Variants in NR3C2 observed in about 807,000 individuals in gnomAD.
NR3C2 encodes the protein mineralocorticoid receptor.
NR3C2 carries 15 observed loss-of-function variants against 86.4 expected under a neutral mutation model. The observed-to-expected ratio is 0.17, with a 90% CI of 0.12 to 0.27. The LOEUF (loss-of-function observed/expected upper bound fraction) is 0.27. Ranked by LOEUF, NR3C2 falls within the 10% of genes least tolerant of loss-of-function variation. The pLI is 1.00. For synonymous variants in NR3C2, 458 were observed against 450.5 expected (o/e 1.02, Z -0.21); for missense variants, 960 against 1,195.6 (o/e 0.80, Z 2.91).
At chr4:148,356,683 C>T (rs565435397) in intron 2 of NR3C2, among the ~76,000 whole-genome samples, 56 of 152,210 alleles carry the variant, frequency 3.7e-4, no homozygotes, top group Non-Finnish European at 7.4e-4. Context: ...ATCCCAAGGG[C>T]GGACTAATTT....
chr4:148,101,486 G>A (rs1161614368), intron 8 of NR3C2, among the ~76,000 whole-genome samples: 4 of 152,210 alleles, frequency 2.6e-5, no homozygotes, highest in African/African-American at 7.2e-5. Context: ...AAAGTGATGG[G>A]AGAGGAAGGG....
intron 4 of NR3C2, among the ~76,000 whole-genome samples, chr4:148,155,184 C>T (rs1002066137): frequency 6.6e-6 from 1 of 152,166 alleles, no homozygotes; most frequent in African/African-American, 2.4e-5. Context: ...CTAATATGTT[C>T]AGTATAACCA....
At chr4:148,322,374 G>A (rs1276944209) in intron 2 of NR3C2, among the ~76,000 whole-genome samples, 1 of 134,774 alleles carries the variant, frequency 7.4e-6, no homozygotes, top group African/African-American at 2.9e-5. Flanking sequence ...TGCTCTTCTC[G>A]AGGAGTATCT....
chr4:148,092,570 G>C (rs2149710637), intron 8 of NR3C2, among the ~76,000 whole-genome samples: 1 of 152,256 alleles, frequency 6.6e-6, no homozygotes, highest in South Asian at 2.1e-4. Flanking sequence ...CATTTCAACA[G>C]TATTTTTTAG....
chr4:148,130,741 G>C (rs1449378414), intron 6 of NR3C2, among the ~76,000 whole-genome samples: 1 of 150,946 alleles, frequency 6.6e-6, no homozygotes. Flanking sequence ...TGCTCAATCA[G>C]GGTTGAAGTC....
At chr4:148,194,888 G>C in intron 3 of NR3C2, 26 bp from the exon 4 acceptor site, 7 of 1,479,792 alleles carry the variant, frequency 4.7e-6, no homozygotes, top group Non-Finnish European at 5.6e-6. Flanking sequence ...AAAAATAACT[G>C]TTAAAATAGA....
rs1263537219 is a variant in NR3C2, at chr4:148,435,221, A to G, written c.1640T>C (p.Leu547Pro). 6.2e-7 allele frequency: 1 copy of G among 1,614,084 alleles called. No individual in the cohort carries two copies. The highest frequency in any genetic ancestry group is 8.5e-7 in the Non-Finnish European group (1 of 1,180,034). ...RSARDQSFQHLSSFPPVNTLV... is the reference protein window; with the variant it reads ...RSARDQSFQHPSSFPPVNTLV... ...AGTATTGACAGGAGGAAAGGAACTC[A>G]GGTGTTGGAAAGATTGGTCTCTAGC... Residue 547 changes from leucine to proline, a missense_variant, in exon 2 of 9, where the codon CTG becomes CCG. Leu to Pro is a moderately conservative substitution (Grantham distance 98, BLOSUM62 -3). Transcript: ENST00000358102.
intron 6 of NR3C2, among the ~76,000 whole-genome samples, chr4:148,126,495 T>C (rs965359585): frequency 2.3e-4 from 35 of 152,186 alleles, no homozygotes; most frequent in Admixed American, 2.6e-4. Flanking sequence ...CCAGAGATAA[T>C]GTAGGTTTTC....
intron 2 of NR3C2, among the ~76,000 whole-genome samples, chr4:148,286,369 T>C (rs1006160982): frequency 3.9e-5 from 6 of 152,068 alleles, no homozygotes; most frequent in Non-Finnish European, 5.9e-5. Flanking sequence ...CTGTACAGAA[T>C]TGAAAAAAAA....
intron 1 of NR3C2, among the ~76,000 whole-genome samples, chr4:148,441,672 G>C (rs1301870516): frequency 1.3e-5 from 2 of 152,186 alleles, no homozygotes; most frequent in Non-Finnish European, 2.9e-5. Flanking sequence ...CCTGTCTCAA[G>C]AGTTTCGCGA....
intron 2 of NR3C2, among the ~76,000 whole-genome samples, chr4:148,304,003 T>TTC (rs1394750710): frequency 6.6e-6 from 1 of 152,052 alleles, no homozygotes; most frequent in African/African-American, 2.4e-5. Context: ...ATGTCTCACT[T>TTC]TCTCTCTCTC....
intron 2 of NR3C2, among the ~76,000 whole-genome samples, chr4:148,321,873 T>C (rs1743616721): frequency 1.3e-5 from 2 of 152,230 alleles, no homozygotes; most frequent in Admixed American, 1.3e-4. Flanking sequence ...ATTTAGTCCA[T>C]TTACATTTAA....
At chr4:148,318,718 G>C (rs185730590) in intron 2 of NR3C2, among the ~76,000 whole-genome samples, 3,255 of 146,638 alleles carry the variant, frequency 0.022, 109 homozygotes, top group African/African-American at 0.075. Context: ...CTTTTTGATG[G>C]GGTTGTTTGT....
intron 2 of NR3C2, among the ~76,000 whole-genome samples, chr4:148,332,834 G>C (rs1482187766): frequency 3.9e-5 from 6 of 152,124 alleles, no homozygotes; most frequent in Admixed American, 3.9e-4. Context: ...CTTCCAAAGA[G>C]TTCTTTTGGA....
intron 2 of NR3C2, among the ~76,000 whole-genome samples, chr4:148,273,221 TTCAAGGACATTATA>T (rs555092222): frequency 1.4e-4 from 22 of 152,208 alleles, no homozygotes; most frequent in Admixed American, 2.6e-4. Context: ...TCGACTAGAT[TTCAAGGACATTATA>T]TCAAGGACAT....
intron 3 of NR3C2, among the ~76,000 whole-genome samples, chr4:148,242,779 A>G (rs928453519): frequency 2.0e-5 from 3 of 152,194 alleles, no homozygotes; most frequent in African/African-American, 7.2e-5. Flanking sequence ...AAAATCTATT[A>G]CAAAGAGAAA....
At chr4:148,189,756 T>G (rs1578992269) in intron 4 of NR3C2, among the ~76,000 whole-genome samples, 1 of 152,184 alleles carries the variant, frequency 6.6e-6, no homozygotes, top group South Asian at 2.1e-4. Context: ...TTCTTCCAGA[T>G]TTAAGCCAGG....
intron 2 of NR3C2, among the ~76,000 whole-genome samples, chr4:148,349,908 T>C (rs1745188147): frequency 6.6e-6 from 1 of 152,070 alleles, no homozygotes; most frequent in Admixed American, 6.6e-5. Flanking sequence ...AGGAAAACAT[T>C]TGGGGGAAAA....
At chr4:148,121,451 T>C (rs1298687294) in intron 6 of NR3C2, among the ~76,000 whole-genome samples, 1 of 152,256 alleles carries the variant, frequency 6.6e-6, no homozygotes, top group Non-Finnish European at 1.5e-5. Flanking sequence ...CACATGCTAA[T>C]AGCATGAGCT....
Sources: gnomAD v4.1 joint callset for allele counts (sites outside exome capture counted in the v4.1 genomes callset) on GRCh38, gnomAD v4.1.1 for gene constraint, MANE v1.5 for transcripts, NCBI Gene and HGNC (gene_info 2026-07-23, HGNC 2026-07-21) for gene names.